HEATR9: variants seen among roughly 807,000 people sequenced by gnomAD.
HEATR9 encodes HEAT repeat containing 9, also known as protein HEATR9.
HEATR9 carries 54 observed loss-of-function variants against 68.2 expected under a neutral mutation model. The observed-to-expected ratio is 0.79, with a 90% CI of 0.64 to 0.99. The LOEUF is 0.99. Among genes scored for constraint, HEATR9 ranks in the 50% least tolerant of loss-of-function variants. The probability of loss-of-function intolerance (pLI) is 0.00; values close to 1 mark genes in which losing one functional copy is unlikely to be tolerated. For missense variants in HEATR9, 662 were observed against 679.7 expected (o/e 0.97, Z 0.29); for synonymous variants, 241 against 253.5 (o/e 0.95, Z 0.47).
intron 1 of HEATR9, 152 bp downstream of exon 1, chr17:35,868,503 G>A (rs1489037068): frequency 1.4e-6 from 2 of 1,399,328 alleles, no homozygotes; most frequent in African/African-American, 1.4e-5. Flanking sequence ...CTTGAGGACT[G>A]TGCAGAGCCA....
At chr17:35,863,223 C>T in intron 7 of HEATR9, 98 bp from the exon 8 acceptor site, 1 of 1,510,366 alleles carries the variant, frequency 6.6e-7, no homozygotes, top group Non-Finnish European at 9.1e-7. Context: ...GACCTAAGTT[C>T]CAAGTCCTAG....
chr17:35,857,548 A>G (rs913640374), intron 11 of HEATR9, among the ~76,000 whole-genome samples: 6 of 152,188 alleles, frequency 3.9e-5, no homozygotes, highest in Non-Finnish European at 7.3e-5. Flanking sequence ...TCACGAGGTC[A>G]GGAGATCGAG....
At chr17:35,860,575 C>T (rs772209982) in intron 8 of HEATR9, among the ~76,000 whole-genome samples, 6 of 149,314 alleles carry the variant, frequency 4.0e-5, no homozygotes, top group Middle Eastern at 3.5e-3. Flanking sequence ...CTGCAAGCTC[C>T]GTCTCCCGGT....
chr17:35,868,456 T>TA, intron 1 of HEATR9, 199 bp downstream of exon 1: 1 of 914,982 alleles, frequency 1.1e-6, no homozygotes. Flanking sequence ...TGTCCCATCT[T>TA]AGAGATCCCT....
chr17:35,859,895 T>A (rs1598585513), intron 8 of HEATR9, among the ~76,000 whole-genome samples: 1 of 152,336 alleles, frequency 6.6e-6, no homozygotes, highest in Non-Finnish European at 1.5e-5. Flanking sequence ...TGACCTTGCT[T>A]TCTACTTCAG....
Position 35,856,773 on chromosome 17 carries a change from T to C in HEATR9, c.1185A>G (p.Glu395=), listed in dbSNP as rs1487487952. 1.9e-6 allele frequency: 3 copies of C among 1,605,838 alleles called. No individual in the cohort carries two copies. Among genetic ancestry groups the C allele is most frequent in the African/African-American group, 2.7e-5 (2 of 74,816 alleles). The change falls in exon 12 of 15, where the codon GAA becomes GAG. Residue 395 remains glutamate, a synonymous_variant. Transcript: ENST00000604834. ...TCATCGTAGGCTTCAACTTGAGCTC[T>C]TCCACAGTTTGAGCCACAGCCTGCC... is the stretch of plus-strand genomic sequence containing the variant. ...AVRQAVAQTV[E]ELKLKPTMMN...
intron 9 of HEATR9, 106 bp from the exon 10 acceptor site, chr17:35,858,631 C>CT: frequency 9.5e-7 from 1 of 1,054,870 alleles, no homozygotes. Context: ...AGCTAAGGTC[C>CT]TTTTTTCTGC....
intron 2 of HEATR9, among the ~76,000 whole-genome samples, chr17:35,865,721 G>A (rs2088176407): frequency 1.3e-5 from 2 of 152,294 alleles, no homozygotes; most frequent in South Asian, 2.1e-4. Context: ...TGAATACATA[G>A]TTTGGTTAGT....
chr17:35,860,971 G>A (rs551556147), intron 8 of HEATR9: 45 of 503,538 alleles, frequency 8.9e-5, no homozygotes, highest in Middle Eastern at 5.8e-4. Flanking sequence ...GCTTGAATCC[G>A]GGAGGCCGAG....
rs36121754 is a variant in HEATR9, at chr17:35,867,095, C to CA, written c.89-323dup. ...TGAAACCCCGTCTCCACTAAAAATA[C>CA]AAAAAAAAAAAAAAATTAGCCATGT... On this transcript the variant is annotated intron_variant, in intron 1 of 14. Transcript: ENST00000604834. 1.0e-3 allele frequency among the ~76,000 whole-genome samples: 147 copies of CA among 143,748 alleles called. 1 individual carries two copies. Among genetic ancestry groups the CA allele is most frequent in the East Asian group, 3.1e-3 (15 of 4,826 alleles). The allele number at this position is 143,748 out of a possible 152,430, so 94.3% of individuals were successfully genotyped here. A position where few individuals can be genotyped will look rare whatever the true frequency, so the allele number is the denominator to read the frequency against.
chr17:35,858,411 G>T, intron 10 of HEATR9, 22 bp downstream of exon 10: 3 of 1,614,060 alleles, frequency 1.9e-6, no homozygotes, highest in Non-Finnish European at 2.5e-6. Flanking sequence ...GAAAGGAAGG[G>T]TTCAGGCAGT....
intron 5 of HEATR9, 29 bp from the exon 6 acceptor site, chr17:35,864,331 A>C (rs1187373580): frequency 6.3e-7 from 1 of 1,595,392 alleles, no homozygotes; most frequent in African/African-American, 1.3e-5. Flanking sequence ...AGGAAAGAGA[A>C]GGAAACTTGG....
At chr17:35,856,470 T>TGGC in intron 12 of HEATR9, 1 of 1,107,204 alleles carries the variant, frequency 9.0e-7, no homozygotes, top group Admixed American at 2.1e-5. Flanking sequence ...AAAAGTTCTT[T>TGGC]TCATGTCATA....
chr17:35,862,494 A>G (rs889773442), intron 8 of HEATR9, among the ~76,000 whole-genome samples: 17 of 152,200 alleles, frequency 1.1e-4, no homozygotes, highest in African/African-American at 4.1e-4. Flanking sequence ...AGAGATGATG[A>G]TAATAATGAT....
At chr17:35,864,017 C>T (rs1022621676) in intron 6 of HEATR9, 11 of 573,044 alleles carry the variant, frequency 1.9e-5, no homozygotes, top group South Asian at 7.0e-5. Context: ...AATGTCTTTT[C>T]GGTTAGACCA....
At chr17:35,865,106 G>T in intron 3 of HEATR9, 109 bp downstream of exon 3, 1 of 1,377,860 alleles carries the variant, frequency 7.3e-7, no homozygotes, top group Non-Finnish European at 1.0e-6. Flanking sequence ...TCCTCTCTGG[G>T]ACCTGTAGGC....
intron 8 of HEATR9, chr17:35,861,492 G>T (rs9303692): frequency 7.9e-7 from 1 of 1,268,496 alleles, no homozygotes; most frequent in African/African-American, 1.5e-5. Flanking sequence ...ACACCTTGCA[G>T]TCGTTGCGGA....
At chr17:35,857,067 G>C (rs372199707) in intron 11 of HEATR9, among the ~76,000 whole-genome samples, 5 of 152,060 alleles carry the variant, frequency 3.3e-5, no homozygotes, top group Admixed American at 3.3e-4. Context: ...AATGAAACTT[G>C]GAAGGTGAGT....
chr17:35,863,555 TG>T lies in HEATR9; in HGVS notation c.571del (p.Gln191LysfsTer7). On this transcript the variant is annotated frameshift_variant, in exon 7 of 15. Transcript: ENST00000604834. LOFTEE classifies it high-confidence loss of function. ...GTACTTCACTTTCTCTGGACCAGTT[TG>T]GGCCTAATTTAAGAGGCGGGTGGTA... ...FVMEALQQVA[Q>X]TGPEKVKYEA... 6.2e-7 allele frequency: 1 copy of T among 1,614,224 alleles called. No individual in the cohort carries two copies. The highest frequency in any genetic ancestry group is 8.5e-7 in the Non-Finnish European group (1 of 1,180,030).
Sources: gnomAD v4.1 joint callset for allele counts (sites outside exome capture counted in the v4.1 genomes callset) on GRCh38, gnomAD v4.1.1 for gene constraint, MANE v1.5 for transcripts, NCBI Gene and HGNC (gene_info 2026-07-23, HGNC 2026-07-21) for gene names.